The following GLT8D2 variants were observed in gnomAD, a reference collection of about 807,000 sequenced individuals.
GLT8D2 encodes the protein glycosyltransferase 8 domain-containing protein 2.
GLT8D2 carries 45 observed loss-of-function variants against 44.5 expected under a neutral mutation model. The observed-to-expected ratio is 1.01, with a 90% CI of 0.80 to 1.30. GLT8D2 has a LOEUF of 1.30. Ranked by LOEUF, GLT8D2 falls within the 50% of genes most tolerant of loss-of-function variation. The probability of loss-of-function intolerance (pLI) is 0.00; values close to 1 mark genes in which losing one functional copy is unlikely to be tolerated. For synonymous variants in GLT8D2, 156 were observed against 157.2 expected (o/e 0.99, Z 0.06); for missense variants, 400 against 430.4 (o/e 0.93, Z 0.62).
chr12:104,007,909 C>A (rs1187857369), intron 4 of GLT8D2, among the ~76,000 whole-genome samples: 1 of 152,196 alleles, frequency 6.6e-6, no homozygotes, highest in African/African-American at 2.4e-5. Flanking sequence ...GCTTTTGCAT[C>A]TCTCACTTTC....
intron 7 of GLT8D2, 132 bp downstream of exon 7, chr12:103,997,319 A>G: frequency 1.4e-6 from 1 of 727,202 alleles, no homozygotes; most frequent in Non-Finnish European, 2.5e-6. Flanking sequence ...ATTTACAACA[A>G]TACTGTACTC....
chr12:104,021,945 GA>G (rs1566202505), intron 1 of GLT8D2, among the ~76,000 whole-genome samples: 421 of 23,976 alleles, frequency 0.018, 3 homozygotes, highest in East Asian at 0.086. Context: ...AGAAGAAGAA[GA>G]AGAAGAAGAG....
chr12:103,996,635 T>C, intron 8 of GLT8D2, 100 bp downstream of exon 8: 1 of 816,790 alleles, frequency 1.2e-6, no homozygotes, highest in Non-Finnish European at 2.0e-6. Context: ...GCCCATAAGG[T>C]TTTTGAGGTG....
chr12:104,001,682 C>CTTTATTTATTTA (rs567362806), intron 5 of GLT8D2, among the ~76,000 whole-genome samples: 3 of 151,758 alleles, frequency 2.0e-5, no homozygotes, highest in African/African-American at 7.3e-5. Context: ...CACAGAAAAA[C>CTTTATTTATTTA]TTTATTTATT....
At chr12:104,021,887 A>G (rs1316281289) in intron 1 of GLT8D2, among the ~76,000 whole-genome samples, 1 of 7,252 alleles carries the variant, frequency 1.4e-4, no homozygotes, top group African/African-American at 4.4e-4. Flanking sequence ...AAGAAGAAGA[A>G]GAAGAAGAAG....
chr12:104,009,135 G>A (rs1875487817), intron 4 of GLT8D2, among the ~76,000 whole-genome samples: 1 of 152,200 alleles, frequency 6.6e-6, no homozygotes, highest in South Asian at 2.1e-4. Context: ...CCCCAGAATG[G>A]TAGATCCACT....
intron 4 of GLT8D2, chr12:104,012,906 C>T (rs1876064503): frequency 4.6e-6 from 3 of 654,564 alleles, no homozygotes; most frequent in Middle Eastern, 2.5e-4. Context: ...CACGTGAGGA[C>T]ACAGCAAGAA....
rs765529546 is a variant in GLT8D2, at chr12:103,996,737, G to C, written c.598C>G (p.Gln200Glu). 6.2e-7 allele frequency: 1 copy of C among 1,608,850 alleles called. No individual in the cohort carries two copies. The highest frequency in any genetic ancestry group is 1.7e-5 in the Admixed American group (1 of 59,680). Residue 200 changes from glutamine (Q) to glutamate (E), a missense_variant and splice_region_variant, in exon 8 of 11, where the codon CAG becomes GAG. Physicochemically the swap from Gln to Glu is conservative, Grantham distance 29. Coordinates refer to ENST00000360814, the MANE Select transcript of GLT8D2 (RefSeq NM_001384711.1). ...AQDINRLVGL[Q>E]NTYMGYLDYR... ...TTTCTGAGACAGCATATGCCCACCT[G>C]AAGTCCCACGAGTCTGTTTATGTCC... is the stretch of plus-strand genomic sequence containing the variant.
intron 1 of GLT8D2, among the ~76,000 whole-genome samples, chr12:104,056,945 AT>A (rs1882229980): frequency 6.6e-6 from 1 of 152,230 alleles, no homozygotes; most frequent in Non-Finnish European, 1.5e-5. Flanking sequence ...GAATTTGCCA[AT>A]AAAGATAAAA....
At chr12:104,000,960 A>G (rs73177955) in intron 5 of GLT8D2, among the ~76,000 whole-genome samples, 9,450 of 152,312 alleles carry the variant, frequency 0.062, 483 homozygotes, top group East Asian at 0.22. Flanking sequence ...CTTTTGAATG[A>G]TCAAATAATA....
chr12:104,057,477 T>C (rs1882268529), intron 1 of GLT8D2, among the ~76,000 whole-genome samples: 2 of 151,836 alleles, frequency 1.3e-5, no homozygotes, highest in African/African-American at 2.4e-5. Context: ...GCTGTGATCA[T>C]GCCACTGTAC....
intron 1 of GLT8D2, among the ~76,000 whole-genome samples, chr12:104,044,760 C>G (rs1484621588): frequency 1.3e-5 from 2 of 152,208 alleles, no homozygotes; most frequent in Non-Finnish European, 2.9e-5. Context: ...ATATCAAGTT[C>G]ATTTGAAACA....
At chr12:104,037,637 A>G (rs1880056329) in intron 1 of GLT8D2, among the ~76,000 whole-genome samples, 2 of 152,242 alleles carry the variant, frequency 1.3e-5, no homozygotes, top group South Asian at 4.1e-4. Context: ...AGGCTCTGAA[A>G]TTGAGGCAAT....
intron 3 of GLT8D2, among the ~76,000 whole-genome samples, chr12:104,015,435 C>CACACACACACAA (rs1566198673): frequency 6.9e-6 from 1 of 144,620 alleles, no homozygotes; most frequent in African/African-American, 2.6e-5. Context: ...CACACACACA[C>CACACACACACAA]AAATTAGCTG....
At chr12:104,025,091 C>G (rs971476503) in intron 1 of GLT8D2, among the ~76,000 whole-genome samples, 2 of 143,792 alleles carry the variant, frequency 1.4e-5, no homozygotes, top group Non-Finnish European at 3.0e-5. Flanking sequence ...AAAAAAAAAG[C>G]CCTGTGTTAC....
rs1336768818 is a variant in GLT8D2, at chr12:104,022,035, GAA to G, written c.-163-546_-163-545del. Among the ~76,000 whole-genome samples the G allele has an allele frequency of 5.2e-5, 5 of 95,298 alleles. No homozygotes were observed. The East Asian group carries it at 9.5e-4, about 18-fold the overall frequency. The allele number at this position is 95,298 out of a possible 152,430, so 62.5% of individuals were successfully genotyped here. Reference sequence around the variant, plus strand: ...AGAAGAAGAAGAAAAAGAAGAAGAAGAAGAAGAAGAAGAAGAAGAAGGGAAAG... The same window carrying G: ...AGAAGAAGAAGAAAAAGAAGAAGAAGGAAGAAGAAGAAGAAGAAGGGAAAG... On this transcript the variant is annotated intron_variant, in intron 1 of 10. Transcript: ENST00000360814.
At chr12:104,045,925 A>AAGAAAG (rs1342487154) in intron 1 of GLT8D2, among the ~76,000 whole-genome samples, 7 of 148,856 alleles carry the variant, frequency 4.7e-5, no homozygotes, top group Admixed American at 4.7e-4. Context: ...GAAAGAAAGA[A>AAGAAAG]AGAAAGAAAG....
At chr12:104,062,794 A>T (rs1882781833) in intron 1 of GLT8D2, among the ~76,000 whole-genome samples, 1 of 152,158 alleles carries the variant, frequency 6.6e-6, no homozygotes, top group Non-Finnish European at 1.5e-5. Context: ...TTAAAATTTT[A>T]AAAAATAACT....
At chr12:104,012,630 T>TTCTC (rs138444673) in intron 4 of GLT8D2, 2 of 457,810 alleles carry the variant, frequency 4.4e-6, no homozygotes, top group African/African-American at 2.0e-5. Flanking sequence ...TGTGACTTCC[T>TTCTC]TCTCTCTCTC....
Sources: gnomAD v4.1 joint callset for allele counts (sites outside exome capture counted in the v4.1 genomes callset) on GRCh38, gnomAD v4.1.1 for gene constraint, MANE v1.5 for transcripts, NCBI Gene and HGNC (gene_info 2026-07-23, HGNC 2026-07-21) for gene names.